NR5A2: variants seen among roughly 807,000 people sequenced by gnomAD.
The protein encoded by NR5A2 is nuclear receptor subfamily 5 group A member 2, also known as CYP7A promoter-binding factor.
In NR5A2, 26 loss-of-function variants were observed where a neutral mutation model predicts 62.7. The observed-to-expected ratio is 0.41, with a 90% CI of 0.30 to 0.58. NR5A2 has a LOEUF of 0.58. Ranked by LOEUF, NR5A2 falls within the 20% of genes least tolerant of loss-of-function variation. The pLI is 0.22. For synonymous variants in NR5A2, 246 were observed against 241.7 expected (o/e 1.02, Z -0.16); for missense variants, 541 against 669.1 (o/e 0.81, Z 2.11).
chr1:200,132,571 T>C (rs1253949604), intron 7 of NR5A2, among the ~76,000 whole-genome samples: 2 of 152,192 alleles, frequency 1.3e-5, no homozygotes, highest in Admixed American at 6.5e-5. Flanking sequence ...TCAACCCCCA[T>C]GTTACATAAA....
At chr1:200,052,778 A>T (rs1054419934) in intron 5 of NR5A2, among the ~76,000 whole-genome samples, 2 of 151,726 alleles carry the variant, frequency 1.3e-5, no homozygotes, top group African/African-American at 4.9e-5. Flanking sequence ...AGTAGCTGGG[A>T]CTACAGGTGC....
chr1:200,100,048 A>G (rs982303134), intron 5 of NR5A2, among the ~76,000 whole-genome samples: 16 of 152,240 alleles, frequency 1.1e-4, no homozygotes, highest in Non-Finnish European at 1.9e-4. Context: ...AGGAAAATAT[A>G]TCAAGCTGAG....
chr1:200,127,869 T>C (rs1666797816), intron 7 of NR5A2, among the ~76,000 whole-genome samples: 1 of 147,564 alleles, frequency 6.8e-6, no homozygotes, highest in African/African-American at 2.5e-5. Flanking sequence ...CCCCCTTGTA[T>C]ACCAAGGGAG....
At chr1:200,061,587 C>G (rs1306246768) in intron 5 of NR5A2, among the ~76,000 whole-genome samples, 3 of 152,170 alleles carry the variant, frequency 2.0e-5, no homozygotes, top group Non-Finnish European at 4.4e-5. Flanking sequence ...CCGGGATTAA[C>G]TTTACAACCA....
chr1:200,164,867 GTTTTTTTTTTTT>G (rs56818276), intron 7 of NR5A2, among the ~76,000 whole-genome samples: 1 of 63,896 alleles, frequency 1.6e-5, no homozygotes, highest in Non-Finnish European at 2.7e-5. Context: ...TTTTAGAGCA[GTTTTTTTTTTTT>G]TTTTTTTTTT....
chr1:200,098,413 A>G (rs1372747520), intron 5 of NR5A2, among the ~76,000 whole-genome samples: 2 of 150,718 alleles, frequency 1.3e-5, no homozygotes, highest in African/African-American at 2.4e-5. Context: ...GAGAAATCAA[A>G]TTATCATTAA....
At chr1:200,092,873 C>CTTTTTTTTT (rs869028679) in intron 5 of NR5A2, among the ~76,000 whole-genome samples, 1 of 64,248 alleles carries the variant, frequency 1.6e-5, no homozygotes, top group Non-Finnish European at 2.8e-5. Context: ...AAAGACAGGT[C>CTTTTTTTTT]TTTTTTTTTT....
Position 200,038,715 on chromosome 1 carries a change from C to G in NR5A2, c.65-943C>G, listed in dbSNP as rs113640653. 6.4e-5 allele frequency: 87 copies of G among 1,366,236 alleles called. 1 individual carries two copies. In the African/African-American group the frequency reaches 1.0e-3, roughly 16 times the overall value. The allele number at this position is 1,366,236 out of a possible 1,614,324, so 84.6% of individuals were successfully genotyped here. A position where few individuals can be genotyped will look rare whatever the true frequency, so the allele number is the denominator to read the frequency against. On this transcript the variant is annotated intron_variant, in intron 1 of 7. Transcript: ENST00000367362. ...CTTCCCCTCAGATCGAGGAAATTGC[C>G]GCTCTGGCTGCTTCTCCTTCGCCGC...
At chr1:200,027,956 A>C in intron 1 of NR5A2, 45 bp downstream of exon 1, 5 of 1,289,056 alleles carry the variant, frequency 3.9e-6, no homozygotes, top group Non-Finnish European at 5.4e-6. Flanking sequence ...TTCTGCTACT[A>C]CATACATATA....
chr1:200,131,637 G>C (rs935291781), intron 7 of NR5A2, among the ~76,000 whole-genome samples: 2 of 152,176 alleles, frequency 1.3e-5, no homozygotes, highest in African/African-American at 4.8e-5. Context: ...TCTCAGAATA[G>C]AGTGGCTGTC....
At chr1:200,148,168 T>G (rs1571557565) in intron 7 of NR5A2, 3 of 366,006 alleles carry the variant, frequency 8.2e-6, no homozygotes, top group Non-Finnish European at 8.8e-6. Flanking sequence ...AAGACCAGAT[T>G]GTAGTGGACG....
intron 5 of NR5A2, among the ~76,000 whole-genome samples, chr1:200,095,315 A>T (rs553955948): frequency 6.6e-6 from 1 of 151,918 alleles, no homozygotes; most frequent in South Asian, 2.1e-4. Context: ...TAGCAATGAG[A>T]TGCCCAGAGT....
chr1:200,060,355 A>C lies in NR5A2; in HGVS notation c.1110+11537A>C, dbSNP rs541814328. On this transcript the variant is annotated intron_variant, in intron 5 of 7. Transcript: ENST00000367362. ...GTGGAGCAGGCAAGAGAAACGGTTAAATAGACCCCAGAGAAGGGCTGCAGT... is the reference window on the plus strand; with the variant it reads ...GTGGAGCAGGCAAGAGAAACGGTTACATAGACCCCAGAGAAGGGCTGCAGT... 4.6e-5 allele frequency among the ~76,000 whole-genome samples: 7 copies of C among 152,284 alleles called. 1 individual carries two copies. The highest frequency in any genetic ancestry group is 1.7e-4 in the African/African-American group (7 of 41,560).
chr1:200,061,744 T>A (rs1242148917), intron 5 of NR5A2, among the ~76,000 whole-genome samples: 1 of 152,208 alleles, frequency 6.6e-6, no homozygotes, highest in African/African-American at 2.4e-5. Flanking sequence ...AAGGTCCTGG[T>A]CTCTGTCTTT....
intron 5 of NR5A2, among the ~76,000 whole-genome samples, chr1:200,103,773 C>T (rs1487282536): frequency 6.6e-6 from 1 of 152,154 alleles, no homozygotes; most frequent in Non-Finnish European, 1.5e-5. Flanking sequence ...CCAGCATATA[C>T]TGATTAGGGA....
intron 5 of NR5A2, among the ~76,000 whole-genome samples, chr1:200,093,942 G>C (rs754472951): frequency 6.6e-6 from 1 of 152,108 alleles, no homozygotes; most frequent in Non-Finnish European, 1.5e-5. Context: ...GGATCACGAG[G>C]TTAGGAGTTC....
chr1:200,168,432 G>A (rs1202194134), intron 7 of NR5A2, among the ~76,000 whole-genome samples: 1 of 151,966 alleles, frequency 6.6e-6, no homozygotes, highest in Admixed American at 6.6e-5. Context: ...GCCTAGGCTG[G>A]TCTCAAACTC....
At chr1:200,032,505 A>G (rs1661584382) in intron 1 of NR5A2, among the ~76,000 whole-genome samples, 1 of 152,208 alleles carries the variant, frequency 6.6e-6, no homozygotes, top group Non-Finnish European at 1.5e-5. Flanking sequence ...TCTGGTGATA[A>G]TGTAATTGTC....
At chr1:200,148,187 A>G (rs1161073397) in intron 7 of NR5A2, 2 of 293,848 alleles carry the variant, frequency 6.8e-6, no homozygotes, top group African/African-American at 2.3e-5. Flanking sequence ...CGCTTCTGCA[A>G]CCTGTCCGTT....
Sources: allele counts gnomAD v4.1 joint callset (sites outside exome capture counted in the v4.1 genomes callset), GRCh38; gene constraint gnomAD v4.1.1; transcripts MANE v1.5; gene names NCBI Gene and HGNC (gene_info 2026-07-23, HGNC 2026-07-21).